TXK: variants seen among roughly 807,000 people sequenced by gnomAD.
TXK encodes the protein tyrosine-protein kinase TXK.
TXK carries 60 observed loss-of-function variants against 81.0 expected under a neutral mutation model. The observed-to-expected ratio is 0.74, with a 90% CI of 0.60 to 0.92. The LOEUF is 0.92. TXK is among the 40% of genes least tolerant of loss of function. The pLI is 0.00. For missense variants in TXK, 581 were observed against 638.3 expected (o/e 0.91, Z 0.97); for synonymous variants, 203 against 210.7 (o/e 0.96, Z 0.32).
chr4:48,084,291 G>A (rs780467858), intron 10 of TXK, among the ~76,000 whole-genome samples: 7 of 151,132 alleles, frequency 4.6e-5, no homozygotes, highest in South Asian at 2.1e-4. Flanking sequence ...ACAGGGTTTC[G>A]CCATGTTACC....
At chr4:48,113,014 T>C (rs1338739801) in intron 3 of TXK, among the ~76,000 whole-genome samples, 193 bp downstream of exon 3, 3 of 152,056 alleles carry the variant, frequency 2.0e-5, no homozygotes, top group African/African-American at 4.8e-5. Context: ...CCTTTAAATA[T>C]AAGTAGCCTA....
At chr4:48,109,465 T>A (rs1476229124) in intron 5 of TXK, 1 of 152,282 alleles carries the variant, frequency 6.6e-6, no homozygotes, top group East Asian at 1.9e-4. Flanking sequence ...AACTTTGATT[T>A]ACTGGAGATT....
At chr4:48,109,254 T>C (rs1718557660) in intron 5 of TXK, 1 of 151,800 alleles carries the variant, frequency 6.6e-6, no homozygotes, top group African/African-American at 2.4e-5. Flanking sequence ...CTTGAACTCC[T>C]GAGCTCAAGC....
intron 11 of TXK, among the ~76,000 whole-genome samples, chr4:48,078,674 G>A (rs1280603062): frequency 3.3e-5 from 5 of 152,290 alleles, no homozygotes; most frequent in East Asian, 3.9e-4. Flanking sequence ...GGAATGTTCT[G>A]AGCATTACAG....
chr4:48,120,096 C>A (rs1718907938), intron 1 of TXK, among the ~76,000 whole-genome samples: 2 of 151,414 alleles, frequency 1.3e-5, no homozygotes, highest in Admixed American at 1.3e-4. Context: ...CACACACGTA[C>A]ACAAATATAC....
intron 1 of TXK, among the ~76,000 whole-genome samples, chr4:48,130,806 A>G (rs1231895259): frequency 1.3e-5 from 2 of 152,184 alleles, no homozygotes; most frequent in Non-Finnish European, 2.9e-5. Flanking sequence ...TAGGACTCTG[A>G]AAAGAGAGGC....
chr4:48,070,447 G>A (rs575397196), intron 14 of TXK, among the ~76,000 whole-genome samples: 1 of 151,994 alleles, frequency 6.6e-6, no homozygotes, highest in Non-Finnish European at 1.5e-5. Flanking sequence ...TATTAGCGTT[G>A]GAAAAGCAAG....
chr4:48,112,526 T>C lies in TXK; in HGVS notation c.175-14A>G, dbSNP rs753706167. The C allele has an allele frequency of 6.3e-7, 1 of 1,589,658 alleles. No individual in the cohort carries two copies. The highest frequency in any genetic ancestry group is 8.6e-7 in the Non-Finnish European group (1 of 1,169,484). ...GCCCGTGTTGGACTGTGAAAACCAA[T>C]AAGTGAGTTGTTTTACTATCATTTT... On this transcript the variant is annotated splice_polypyrimidine_tract_variant and intron_variant, in intron 3 of 14. Transcript: ENST00000264316.
At chr4:48,129,309 GT>G (rs1719179453) in intron 1 of TXK, among the ~76,000 whole-genome samples, 2 of 152,196 alleles carry the variant, frequency 1.3e-5, no homozygotes, top group Admixed American at 6.5e-5. Context: ...GATAAAATAA[GT>G]GAGTAATTTG....
At chr4:48,117,238 C>T (rs1401761315) in intron 1 of TXK, among the ~76,000 whole-genome samples, 7 of 152,190 alleles carry the variant, frequency 4.6e-5, no homozygotes, top group African/African-American at 1.7e-4. Flanking sequence ...CATTCCATTT[C>T]CCCTTTGCCA....
intron 10 of TXK, 155 bp from the exon 11 acceptor site, chr4:48,080,283 G>A: frequency 1.6e-6 from 1 of 640,650 alleles, no homozygotes. Context: ...CAGTTTCCTT[G>A]CCACTTAATG....
chr4:48,080,810 C>T (rs1717272447), intron 10 of TXK, among the ~76,000 whole-genome samples: 1 of 152,040 alleles, frequency 6.6e-6, no homozygotes, highest in Non-Finnish European at 1.5e-5. Context: ...TATATTCAAT[C>T]TCTAAAAGCC....
intron 1 of TXK, among the ~76,000 whole-genome samples, chr4:48,115,423 T>C (rs897122322): frequency 6.6e-6 from 1 of 152,172 alleles, no homozygotes; most frequent in African/African-American, 2.4e-5. Context: ...AAACATAGGC[T>C]CTTACTATGG....
rs1255826843 is a variant in TXK at position 48,089,780 on chromosome 4, A to G, written c.754T>C (p.Cys252Arg). 6.2e-7 allele frequency: 1 copy of G among 1,613,728 alleles called. No individual in the cohort carries two copies. Among genetic ancestry groups the G allele is most frequent in the Non-Finnish European group, 8.5e-7 (1 of 1,179,750 alleles). ...LRYPVGLMGS[C>R]LPATAGFSYE... ...CTAAACCCAGCTGTGGCTGGTAAAC[A>G]ACTGCCCATCAGCCCAACTGGATAT... The change falls in exon 9 of 15, where the codon TGT becomes CGT. Residue 252 changes from cysteine (C) to arginine (R), a missense_variant. Coordinates refer to ENST00000264316, the MANE Select transcript of TXK (RefSeq NM_003328.3).
intron 11 of TXK, 102 bp downstream of exon 11, chr4:48,079,810 T>A (rs1276391226): frequency 9.3e-6 from 8 of 863,136 alleles, no homozygotes; most frequent in Non-Finnish European, 1.3e-5. Context: ...TGTTTAAAAA[T>A]TAAATCAAGG....
At chr4:48,100,089 G>A (rs145735499) in intron 6 of TXK, among the ~76,000 whole-genome samples, 1,654 of 141,592 alleles carry the variant, frequency 0.012, 27 homozygotes, top group African/African-American at 0.039. Context: ...GGAGAATGGC[G>A]TGAACCCGGA....
chr4:48,116,900 T>TC (rs1718828390), intron 1 of TXK, among the ~76,000 whole-genome samples: 2 of 152,262 alleles, frequency 1.3e-5, no homozygotes, highest in South Asian at 4.2e-4. Flanking sequence ...TTCTTTTTTT[T>TC]CAGACAGAGT....
At chr4:48,122,669 T>C (rs1718989614) in intron 1 of TXK, among the ~76,000 whole-genome samples, 2 of 152,214 alleles carry the variant, frequency 1.3e-5, no homozygotes, top group Non-Finnish European at 2.9e-5. Flanking sequence ...ACAACACTTT[T>C]TGACACAATG....
rs572720322 is a variant in TXK, at chr4:48,115,668, A to G, written c.17-1266T>C. Among the ~76,000 whole-genome samples the G allele has an allele frequency of 1.2e-4, 18 of 152,202 alleles. No individual in the cohort carries two copies. The South Asian group carries it at 3.1e-3, about 26-fold the overall frequency. ...TCGAGATCAGCCTGGGCAACATGGCAGAACCCCATGTCTACCCCAAAAAAC... is the reference window on the plus strand; with the variant it reads ...TCGAGATCAGCCTGGGCAACATGGCGGAACCCCATGTCTACCCCAAAAAAC... On this transcript the variant is annotated intron_variant, in intron 1 of 14. Transcript: ENST00000264316.
Sources: allele counts gnomAD v4.1 joint callset (sites outside exome capture counted in the v4.1 genomes callset), GRCh38; gene constraint gnomAD v4.1.1; transcripts MANE v1.5; gene names NCBI Gene and HGNC (gene_info 2026-07-23, HGNC 2026-07-21).